Variants in SCMH1 observed in about 807,000 individuals in gnomAD.
SCMH1 encodes polycomb protein SCMH1.
SCMH1 carries 37 observed loss-of-function variants against 70.8 expected under a neutral mutation model. That is an observed-to-expected ratio of 0.52 (90% CI 0.40 to 0.69). SCMH1 has a LOEUF of 0.69. Among genes scored for constraint, SCMH1 ranks in the 30% least tolerant of loss-of-function variants. The pLI, the probability that SCMH1 is intolerant of heterozygous loss-of-function variation, is 0.00. For synonymous variants in SCMH1, 292 were observed against 307.4 expected (o/e 0.95, Z 0.52); for missense variants, 607 against 827.3 (o/e 0.73, Z 3.27).
intron 13 of SCMH1, among the ~76,000 whole-genome samples, chr1:41,035,794 C>G (rs868766279): frequency 6.6e-6 from 1 of 152,152 alleles, no homozygotes. Context: ...TCATCACCAG[C>G]CTTTTTTTTC....
intron 2 of SCMH1, among the ~76,000 whole-genome samples, chr1:41,182,031 G>A (rs959526331): frequency 7.9e-5 from 12 of 152,130 alleles, no homozygotes; most frequent in African/African-American, 2.9e-4. Flanking sequence ...AAAAAATGAT[G>A]AGTTCATGTC....
At chr1:41,152,793 T>C (rs1420772949) in intron 4 of SCMH1, 19 of 1,496,422 alleles carry the variant, frequency 1.3e-5, no homozygotes, top group Non-Finnish European at 1.7e-5. Context: ...ACTCCAAAGA[T>C]GATGCCAAGA....
chr1:41,222,526 C>T (rs945466492), intron 1 of SCMH1, among the ~76,000 whole-genome samples: 6 of 152,118 alleles, frequency 3.9e-5, no homozygotes, highest in African/African-American at 1.4e-4. Context: ...CCTAGGAATG[C>T]ACCTTCTATA....
Position 41,070,615 on chromosome 1 carries a change from G to C in SCMH1, c.1085C>G (p.Ser362Ter). Reference sequence around the variant, plus strand: ...CTTACCTGTTGGGGCCTGCATGGCTGAGCTGGGGATGGTGGCAGCATCCTG... The same window carrying C: ...CTTACCTGTTGGGGCCTGCATGGCTCAGCTGGGGATGGTGGCAGCATCCTG... The change falls in exon 10 of 15, where the codon TCA becomes TGA. Residue 362 changes from serine (S) to a stop codon, truncating the protein, a stop_gained. Coordinates refer to ENST00000337495, the Ensembl canonical transcript of SCMH1. LOFTEE classifies it high-confidence loss of function. The C allele has an allele frequency of 6.2e-7, 1 of 1,614,166 alleles. No individual in the cohort carries two copies.
At chr1:41,223,800 T>C (rs1441053718) in intron 1 of SCMH1, among the ~76,000 whole-genome samples, 2 of 152,150 alleles carry the variant, frequency 1.3e-5, no homozygotes, top group Non-Finnish European at 2.9e-5. Context: ...CTGCAAACAT[T>C]TGGGTAATCT....
At chr1:41,036,861 T>C (rs1645372807) in intron 13 of SCMH1, among the ~76,000 whole-genome samples, 1 of 152,182 alleles carries the variant, frequency 6.6e-6, no homozygotes, top group Admixed American at 6.5e-5. Context: ...TGGCCATTTA[T>C]ACAGTCTCAG....
chr1:41,075,528 G>A lies in SCMH1; in HGVS notation c.746-77C>T. ...CCCAGCCAGAAGAAAAAAAGGACTT[G>A]CCACTTCTGCTCAGGTAGTTTTGTT... On this transcript the variant is annotated intron_variant, in intron 8 of 14. Coordinates refer to ENST00000337495, the Ensembl canonical transcript of SCMH1. 5.0e-6 allele frequency: 6 copies of A among 1,200,562 alleles called. No individual in the cohort carries two copies. The South Asian group carries it at 6.6e-5, about 13-fold the overall frequency. The allele number at this position is 1,200,562 out of a possible 1,614,324, so 74.4% of individuals were successfully genotyped here. A position where few individuals can be genotyped will look rare whatever the true frequency, so the allele number is the denominator to read the frequency against.
chr1:41,145,147 T>G (rs1644439592), intron 5 of SCMH1, among the ~76,000 whole-genome samples: 1 of 152,162 alleles, frequency 6.6e-6, no homozygotes, highest in Admixed American at 6.5e-5. Flanking sequence ...TTATAATATC[T>G]AATCCAAGGT....
At chr1:41,102,857 C>T (rs992921831) in intron 8 of SCMH1, among the ~76,000 whole-genome samples, 1 of 152,156 alleles carries the variant, frequency 6.6e-6, no homozygotes, top group African/African-American at 2.4e-5. Context: ...ACCTGCTAGT[C>T]AGCCACACAG....
chr1:41,119,080 C>T (rs2284802), intron 6 of SCMH1, among the ~76,000 whole-genome samples: 11,911 of 152,058 alleles, frequency 0.078, 602 homozygotes, highest in South Asian at 0.12. Context: ...AGTGAGCAAA[C>T]GAAAAGACAG....
At chr1:41,035,436 G>T (rs1196263707) in intron 13 of SCMH1, among the ~76,000 whole-genome samples, 1 of 152,140 alleles carries the variant, frequency 6.6e-6, no homozygotes. Flanking sequence ...GCATAGTTGG[G>T]CCCTGAGGTT....
intron 7 of SCMH1, among the ~76,000 whole-genome samples, chr1:41,115,109 A>T (rs2147877774): frequency 6.6e-6 from 1 of 152,368 alleles, no homozygotes; most frequent in Non-Finnish European, 1.5e-5. Flanking sequence ...GCATTTAAAA[A>T]ATTTATTTTC....
intron 7 of SCMH1, among the ~76,000 whole-genome samples, chr1:41,114,437 C>A (rs1325582198): frequency 1.3e-5 from 2 of 152,126 alleles, no homozygotes; most frequent in Non-Finnish European, 2.9e-5. Context: ...TAGGAAAAGT[C>A]CCCCTACTTT....
exon 14 of SCMH1, chr1:41,028,688 G>T: frequency 6.2e-7 from 1 of 1,614,140 alleles, no homozygotes; most frequent in Non-Finnish European, 8.5e-7. Context: ...CGGCCACTCA[G>T]TCGAGAGGCA....
At chr1:41,032,978 C>CAA (rs1327396809) in intron 13 of SCMH1, among the ~76,000 whole-genome samples, 12 of 69,008 alleles carry the variant, frequency 1.7e-4, no homozygotes, top group African/African-American at 5.0e-4. Flanking sequence ...GACTCTGTCT[C>CAA]AAAAAAAAAA....
chr1:41,120,618 G>T (rs560144639), intron 6 of SCMH1, among the ~76,000 whole-genome samples: 2 of 152,284 alleles, frequency 1.3e-5, no homozygotes, highest in South Asian at 4.1e-4. Flanking sequence ...GCTAGGTGAT[G>T]TGGGACTCTA....
intron 1 of SCMH1, among the ~76,000 whole-genome samples, chr1:41,234,018 T>C (rs2148917081): frequency 6.6e-6 from 1 of 152,336 alleles, no homozygotes; most frequent in Middle Eastern, 3.4e-3. Context: ...TGTGTTTCTT[T>C]AACCTCCACA....
At chr1:41,138,377 T>G (rs1364962952) in intron 6 of SCMH1, among the ~76,000 whole-genome samples, 1 of 152,178 alleles carries the variant, frequency 6.6e-6, no homozygotes. Flanking sequence ...CATTGTTTTG[T>G]TTATCTTCTT....
chr1:41,089,346 T>C lies in SCMH1; in HGVS notation c.746-13895A>G, dbSNP rs1662651782. On this transcript the variant is annotated intron_variant, in intron 8 of 14. Coordinates refer to ENST00000337495, the Ensembl canonical transcript of SCMH1. ...TTCTTCCCAAGACTTCTCTATCTCCTTTCAAATGGCACAAGCTAAAAACCT... is the reference window on the plus strand; with the variant it reads ...TTCTTCCCAAGACTTCTCTATCTCCCTTCAAATGGCACAAGCTAAAAACCT... Among the ~76,000 whole-genome samples, 4 of 152,220 alleles carry C rather than the reference T, an allele frequency of 2.6e-5. No individual in the cohort carries two copies. In the South Asian group the frequency reaches 8.3e-4, roughly 31 times the overall value.
Sources: allele counts gnomAD v4.1 joint callset (sites outside exome capture counted in the v4.1 genomes callset), GRCh38; gene constraint gnomAD v4.1.1; transcripts MANE v1.5; gene names NCBI Gene and HGNC (gene_info 2026-07-23, HGNC 2026-07-21).